MAGI1: variants seen among roughly 807,000 people sequenced by gnomAD.
MAGI1 encodes membrane associated guanylate kinase, WW and PDZ domain containing 1.
MAGI1 carries 58 observed loss-of-function variants against 139.9 expected under a neutral mutation model. That is an observed-to-expected ratio of 0.41 (90% CI 0.34 to 0.52). The LOEUF (loss-of-function observed/expected upper bound fraction) is 0.52. Ranked by LOEUF, MAGI1 falls within the 20% of genes least tolerant of loss-of-function variation. The pLI, the probability that MAGI1 is intolerant of heterozygous loss-of-function variation, is 0.12. For missense variants in MAGI1, 1,874 were observed against 1,901.6 expected (o/e 0.99, Z 0.27); for synonymous variants, 812 against 737.9 (o/e 1.10, Z -1.63).
intron 2 of MAGI1, among the ~76,000 whole-genome samples, chr3:65,590,800 G>C (rs933220927): frequency 6.6e-6 from 1 of 152,086 alleles, no homozygotes; most frequent in Admixed American, 6.6e-5. Flanking sequence ...GAGCCTCTAA[G>C]GCCAAAGGAA....
At chr3:65,422,152 C>T (rs1457071374) in intron 12 of MAGI1, among the ~76,000 whole-genome samples, 2 of 152,202 alleles carry the variant, frequency 1.3e-5, no homozygotes, top group Non-Finnish European at 2.9e-5. Context: ...TGTCCTATAT[C>T]GTAGCCACTC....
intron 12 of MAGI1, among the ~76,000 whole-genome samples, chr3:65,406,109 A>G (rs1406896437): frequency 1.3e-5 from 2 of 152,134 alleles, no homozygotes; most frequent in African/African-American, 2.4e-5. Flanking sequence ...ATTGATCTCT[A>G]TATCCTCCAA....
At chr3:65,433,362 T>C (rs1947603056) in intron 10 of MAGI1, among the ~76,000 whole-genome samples, 1 of 152,200 alleles carries the variant, frequency 6.6e-6, no homozygotes. Flanking sequence ...GTGCTGAGAA[T>C]GTTAACTTAA....
intron 1 of MAGI1, among the ~76,000 whole-genome samples, chr3:65,729,522 T>A (rs926452641): frequency 6.6e-6 from 1 of 152,216 alleles, no homozygotes; most frequent in Non-Finnish European, 1.5e-5. Context: ...CTAAGTGGAC[T>A]AACTTCCAGC....
At chr3:65,549,210 G>A (rs902136775) in intron 2 of MAGI1, among the ~76,000 whole-genome samples, 9 of 152,160 alleles carry the variant, frequency 5.9e-5, no homozygotes. Flanking sequence ...GAACTTGAAC[G>A]CCCGGGCGGG....
intron 2 of MAGI1, among the ~76,000 whole-genome samples, chr3:65,526,440 A>G (rs2107821347): frequency 6.6e-6 from 1 of 152,368 alleles, no homozygotes; most frequent in East Asian, 1.9e-4. Context: ...TATGTTATGC[A>G]GCAATTATGC....
chr3:65,898,869 AATT>A (rs1466910846), intron 1 of MAGI1, among the ~76,000 whole-genome samples: 7 of 152,212 alleles, frequency 4.6e-5, no homozygotes, highest in African/African-American at 1.7e-4. Context: ...GAATATGTAC[AATT>A]ATTATTTGTC....
chr3:65,478,613 C>G lies in MAGI1; in HGVS notation c.736G>C (p.Glu246Gln). 1 of 1,614,028 alleles carries G rather than the reference C, an allele frequency of 6.2e-7. No individual in the cohort carries two copies. The highest frequency in any genetic ancestry group is 8.5e-7 in the Non-Finnish European group (1 of 1,179,966). Residue 246 changes from glutamate (E) to glutamine (Q), a missense_variant, in exon 4 of 23, where the codon GAA (glutamate) becomes CAA (glutamine). Glu to Gln is a conservative substitution (Grantham distance 29). Around this residue, in one of 5 missense-constraint regions of MAGI1, gnomAD observed 648 missense variants for 598.1 expected, o/e 1.08. Coordinates refer to ENST00000402939, the MANE Select transcript of MAGI1 (RefSeq NM_001033057.2). ...TTACCTGTAAAGCTGCTGTTCATTT[C>G]AGGAACGTCATCCTCCTCCTCATTC... ...AENEEEDDVP[E>Q]MNSSFTADSG... is the part of the protein sequence containing the mutation.
intron 1 of MAGI1, among the ~76,000 whole-genome samples, chr3:65,916,900 C>A (rs543056163): frequency 1.3e-5 from 2 of 152,278 alleles, no homozygotes; most frequent in African/African-American, 4.8e-5. Flanking sequence ...CTACTGTTCT[C>A]ATTGTATACT....
intron 1 of MAGI1, among the ~76,000 whole-genome samples, chr3:65,716,369 T>C (rs1300527372): frequency 6.6e-6 from 1 of 152,190 alleles, no homozygotes; most frequent in Non-Finnish European, 1.5e-5. Flanking sequence ...GAGAAACTGC[T>C]CTGAGAAGGA....
chr3:65,561,851 T>G (rs1247821055), intron 2 of MAGI1, among the ~76,000 whole-genome samples: 1 of 152,176 alleles, frequency 6.6e-6, no homozygotes, highest in Non-Finnish European at 1.5e-5. Context: ...GTGATTCACA[T>G]TAATTTAATA....
intron 1 of MAGI1, among the ~76,000 whole-genome samples, chr3:65,968,911 G>A (rs547714690): frequency 7.2e-4 from 109 of 152,260 alleles, no homozygotes; most frequent in African/African-American, 2.6e-3. Context: ...CTTATCGTAT[G>A]CTAAACATTT....
intron 1 of MAGI1, among the ~76,000 whole-genome samples, chr3:65,829,854 A>G (rs1046329830): frequency 7.9e-5 from 12 of 152,144 alleles, no homozygotes; most frequent in African/African-American, 2.4e-4. Context: ...TTCCAGTGTA[A>G]TATGTTTGTA....
intron 1 of MAGI1, among the ~76,000 whole-genome samples, chr3:65,891,885 AATATATATATATATATATATAT>A (rs55826911): frequency 0.031 from 1,158 of 37,528 alleles, 50 homozygotes; most frequent in African/African-American, 0.042. Context: ...CTTAAAGTAT[AATATATATATATATATATATAT>A]ATATATATAT....
At chr3:65,824,348 A>G (rs1432280122) in intron 1 of MAGI1, among the ~76,000 whole-genome samples, 1 of 152,132 alleles carries the variant, frequency 6.6e-6, no homozygotes, top group Non-Finnish European at 1.5e-5. Flanking sequence ...CTGCTTTCCA[A>G]TTCCTAGGTG....
At chr3:65,438,634 G>A (rs551223432) in intron 9 of MAGI1, among the ~76,000 whole-genome samples, 1 of 152,324 alleles carries the variant, frequency 6.6e-6, no homozygotes, top group East Asian at 1.9e-4. Context: ...CCAGGGCAGT[G>A]GTTGGCAAAC....
chr3:65,531,917 T>C (rs2078731525), intron 2 of MAGI1, among the ~76,000 whole-genome samples: 1 of 152,182 alleles, frequency 6.6e-6, no homozygotes, highest in Non-Finnish European at 1.5e-5. Flanking sequence ...AATAAAGAAT[T>C]AGCCATCACT....
intron 1 of MAGI1, among the ~76,000 whole-genome samples, chr3:65,715,410 G>C (rs2032111727): frequency 6.6e-6 from 1 of 151,940 alleles, no homozygotes; most frequent in Non-Finnish European, 1.5e-5. Flanking sequence ...GCTATTTCTT[G>C]CTATATATGC....
intron 1 of MAGI1, among the ~76,000 whole-genome samples, chr3:65,799,341 G>A (rs1037449582): frequency 1.3e-5 from 2 of 151,980 alleles, no homozygotes; most frequent in African/African-American, 2.4e-5. Context: ...GCACCAGGAA[G>A]CACCGAGCCT....
Sources: gnomAD v4.1 joint callset for allele counts (sites outside exome capture counted in the v4.1 genomes callset) on GRCh38, gnomAD v4.1.1 for gene constraint, gnomAD v4.1.1 regional missense constraint, MANE v1.5 for transcripts, NCBI Gene and HGNC (gene_info 2026-07-23, HGNC 2026-07-21) for gene names.